CR1: variants seen among roughly 807,000 people sequenced by gnomAD.
CR1 encodes complement receptor type 1.
Under a neutral mutation model 187.3 loss-of-function variants are expected in CR1, and 116 were observed. The ratio of observed to expected loss-of-function variants is 0.62; its 90% CI spans 0.53 to 0.72. CR1 has a LOEUF of 0.72. Ranked by LOEUF, CR1 falls within the 30% of genes least tolerant of loss-of-function variation. CR1 has a pLI of 0.00. For synonymous variants in CR1, 576 were observed against 747.1 expected (o/e 0.77, Z 3.73); for missense variants, 1,731 against 2,110.7 (o/e 0.82, Z 3.52).
intron 27 of CR1, among the ~76,000 whole-genome samples, chr1:207,572,607 G>T (rs1246761364): frequency 2.0e-5 from 3 of 151,044 alleles, no homozygotes; most frequent in Non-Finnish European, 4.4e-5. Context: ...CTCATTTGTT[G>T]TGATATGTGT....
rs1277013423 is a variant in CR1 at position 207,640,128 on chromosome 1, T to C, written c.*719T>C. ...TGGAAAATAAGATTTCGATATCTTC[T>C]TTTTTTTTGAGATGGAGTCTGGCTC... On this transcript the variant is annotated 3_prime_UTR_variant, in exon 47 of 47. Coordinates refer to ENST00000367049, the MANE Select transcript of CR1 (RefSeq NM_000651.6). 4 of 151,250 alleles carry C rather than the reference T, an allele frequency of 2.6e-5. No homozygotes were observed. The highest frequency in any genetic ancestry group is 5.9e-5 in the Non-Finnish European group (4 of 67,572). The allele number at this position is 151,250 out of a possible 1,614,324, so 9.4% of individuals were successfully genotyped here.
At chr1:207,602,979 C>CATAGA (rs1175361601) in intron 35 of CR1, among the ~76,000 whole-genome samples, 1 of 151,726 alleles carries the variant, frequency 6.6e-6, no homozygotes, top group African/African-American at 2.4e-5. Flanking sequence ...AAGAGGGGGA[C>CATAGA]ATAGAAAAAT....
At chr1:207,627,553 T>C (rs1186908650) in intron 45 of CR1, among the ~76,000 whole-genome samples, 1 of 152,232 alleles carries the variant, frequency 6.6e-6, no homozygotes, top group Non-Finnish European at 1.5e-5. Context: ...ATACCAACTG[T>C]CTCAGTCTGT....
At chr1:207,502,848 C>T (rs954010119) in intron 1 of CR1, among the ~76,000 whole-genome samples, 7 of 152,146 alleles carry the variant, frequency 4.6e-5, no homozygotes, top group South Asian at 4.1e-4. Flanking sequence ...TCCGGGGTCC[C>T]GTGGGCACTA....
intron 42 of CR1, 67 bp from the exon 43 acceptor site, chr1:207,619,813 A>C: frequency 1.4e-6 from 2 of 1,430,056 alleles, no homozygotes; most frequent in Non-Finnish European, 9.5e-7. Context: ...ATTTTCTCCT[A>C]TTCTCGCAGT....
At chr1:207,619,758 TA>T (rs1662260208) in intron 42 of CR1, 121 bp from the exon 43 acceptor site, 1 of 750,572 alleles carries the variant, frequency 1.3e-6, no homozygotes, top group Non-Finnish European at 2.2e-6. Flanking sequence ...GTAACATGTT[TA>T]AAAACATGCT....
intron 42 of CR1, 130 bp from the exon 43 acceptor site, chr1:207,619,750 A>G (rs1662259556): frequency 2.9e-6 from 2 of 690,342 alleles, no homozygotes; most frequent in Non-Finnish European, 4.9e-6. Context: ...GAAGATTAGT[A>G]ACATGTTTAA....
chr1:207,625,048 C>G (rs1294676349), intron 45 of CR1, among the ~76,000 whole-genome samples: 3 of 152,220 alleles, frequency 2.0e-5, no homozygotes, highest in African/African-American at 7.2e-5. Context: ...TAGAGGGTCA[C>G]ACTCCCAAGC....
At chr1:207,496,498 A>T (rs1189321463) in intron 1 of CR1, 110 bp downstream of exon 1, 6 of 1,179,878 alleles carry the variant, frequency 5.1e-6, no homozygotes, top group Non-Finnish European at 6.8e-6. Context: ...CCCGGGTCCG[A>T]AGGCAGCGCG....
rs772261193 is a variant in CR1, at chr1:207,618,093, C to G, written c.6912C>G (p.Ile2304Met). The change falls in exon 42 of 47, where the codon ATC (isoleucine) becomes ATG (methionine). Residue 2304 changes from isoleucine (I) to methionine (M), a missense_variant. Physicochemically the swap from Ile to Met is conservative, Grantham distance 10. This residue lies in a region of CR1 where 1,312 missense variants were observed against 1,379.6 expected (regional missense o/e 0.95). Transcript: ENST00000367049. Reference sequence around the variant, plus strand: ...TAGCCTGCCCACATCCACCCAAGATCCAAAACGGGCATTACATTGGAGGAC... The same window carrying G: ...TAGCCTGCCCACATCCACCCAAGATGCAAAACGGGCATTACATTGGAGGAC... ...VPAACPHPPK[I>M]QNGHYIGGHV... The G allele has an allele frequency of 6.2e-7, 1 of 1,613,458 alleles. No homozygotes were observed.
rs767952770 is a variant in CR1, at chr1:207,630,496, AT to A, written c.7353-14del. 15 of 1,490,966 alleles carry A rather than the reference AT, an allele frequency of 1.0e-5. No homozygotes were observed. Among genetic ancestry groups the A allele is most frequent in the Middle Eastern group, 1.7e-4 (1 of 5,740 alleles). The allele number at this position is 1,490,966 out of a possible 1,614,324, so 92.4% of individuals were successfully genotyped here. On this transcript the variant is annotated intron_variant, in intron 45 of 46. Coordinates refer to ENST00000367049, the MANE Select transcript of CR1 (RefSeq NM_000651.6). ...CTTAAATGATTAAGACAGTTTTTCT[AT>A]TTTTTTCTCTGCCAATTAGCAATAA...
intron 35 of CR1, among the ~76,000 whole-genome samples, chr1:207,591,131 C>T (rs1309831704): frequency 6.6e-6 from 1 of 152,158 alleles, no homozygotes; most frequent in Non-Finnish European, 1.5e-5. Context: ...ACTCTCCACC[C>T]CAAATCAGCA....
intron 43 of CR1, among the ~76,000 whole-genome samples, chr1:207,621,720 G>C (rs1263546960): frequency 6.6e-6 from 1 of 152,100 alleles, no homozygotes; most frequent in African/African-American, 2.4e-5. Flanking sequence ...ATGAGGATTG[G>C]GGTGACTTTT....
At chr1:207,610,981 T>C (rs889935174) in intron 37 of CR1, among the ~76,000 whole-genome samples, 1 of 152,198 alleles carries the variant, frequency 6.6e-6, no homozygotes, top group African/African-American at 2.4e-5. Flanking sequence ...ATTAAGTTAT[T>C]ACTAACTATA....
At chr1:207,608,643 AC>A (rs1203045280) in intron 36 of CR1, among the ~76,000 whole-genome samples, 1 of 152,218 alleles carries the variant, frequency 6.6e-6, no homozygotes, top group Non-Finnish European at 1.5e-5. Flanking sequence ...TTATCAGTTT[AC>A]TATACAAAGT....
intron 27 of CR1, among the ~76,000 whole-genome samples, chr1:207,574,077 G>A (rs1660659810): frequency 6.6e-6 from 1 of 152,204 alleles, no homozygotes; most frequent in South Asian, 2.1e-4. Context: ...AGGCTTCAGT[G>A]AGCCTTGATG....
rs1457708351 is a variant in CR1 at position 207,620,045 on chromosome 1, C to A, written c.7232C>A (p.Pro2411His). ...QCQADDRWDP[P>H]LAKCTSRTHD... is the part of the protein sequence containing the mutation. ...CAGGCGGATGACAGATGGGACCCTC[C>A]TCTGGCCAAATGTACCTCTCGTAAG... Residue 2411 changes from proline to histidine, a missense_variant, in exon 43 of 47, where the codon CCT becomes CAT. Transcript: ENST00000367049. The A allele has an allele frequency of 6.2e-7, 1 of 1,611,732 alleles. No individual in the cohort carries two copies.
Position 207,640,114 on chromosome 1 carries a change from A to G in CR1, c.*705A>G, listed in dbSNP as rs1662937434. The G allele has an allele frequency of 6.6e-6, 1 of 152,098 alleles. No individual in the cohort carries two copies. Among genetic ancestry groups the G allele is most frequent in the South Asian group, 2.1e-4 (1 of 4,820 alleles). The allele number at this position is 152,098 out of a possible 1,614,324, so 9.4% of individuals were successfully genotyped here. On this transcript the variant is annotated 3_prime_UTR_variant, in exon 47 of 47. Coordinates refer to ENST00000367049, the MANE Select transcript of CR1 (RefSeq NM_000651.6). The stretch of plus-strand genomic sequence containing the variant: ...TGAAGAGAAATATTTGGAAAATAAG[A>G]TTTCGATATCTTCTTTTTTTTTGAG...
intron 37 of CR1, 70 bp from the exon 38 acceptor site, chr1:207,611,607 G>T (rs1373835889): frequency 3.2e-6 from 5 of 1,573,462 alleles, no homozygotes; most frequent in Non-Finnish European, 4.3e-6. Context: ...AAGCCCTCTG[G>T]TAAGCATAAG....
Sources: gnomAD v4.1 joint callset for allele counts (sites outside exome capture counted in the v4.1 genomes callset) on GRCh38, gnomAD v4.1.1 for gene constraint, gnomAD v4.1.1 regional missense constraint, MANE v1.5 for transcripts, NCBI Gene and HGNC (gene_info 2026-07-23, HGNC 2026-07-21) for gene names.